The following MAP3K4 variants were observed in gnomAD, a reference collection of about 807,000 sequenced individuals.
MAP3K4 encodes the protein mitogen-activated protein kinase kinase kinase 4.
MAP3K4 carries 67 observed loss-of-function variants against 185.6 expected under a neutral mutation model. The observed-to-expected ratio is 0.36, with a 90% CI of 0.30 to 0.44. The LOEUF (loss-of-function observed/expected upper bound fraction) is 0.44. Among genes scored for constraint, MAP3K4 ranks in the 20% least tolerant of loss-of-function variants. The pLI is 1.00. For missense variants in MAP3K4, 1,551 were observed against 1,995.1 expected, an observed-to-expected ratio of 0.78 and a Z score of 4.24; for synonymous variants, 702 against 710.4, an observed-to-expected ratio of 0.99 and a Z score of 0.19.
rs192239912 is a variant in MAP3K4, at chr6:160,996,616, G to C, written c.152+4533G>C. 6.6e-6 allele frequency among the ~76,000 whole-genome samples: 1 copy of C among 152,156 alleles called. No homozygotes were observed. The highest frequency in any genetic ancestry group is 2.4e-5 in the African/African-American group (1 of 41,418). On this transcript the variant is annotated intron_variant, in intron 1 of 26. Coordinates refer to ENST00000392142, the MANE Select transcript of MAP3K4 (RefSeq NM_005922.4). This position sits in a 1 kb window ranked among gnomAD's most constrained non-coding sequence, Gnocchi z 4.5. ...TAACGTTGCCTATCAGTAGGCTACT[G>C]GTAGTGGTTTCTTTAAAGAGAAAAT...
rs770737594 is a variant in MAP3K4, at chr6:161,096,929, A to G, written c.3428-151A>G. On this transcript the variant is annotated intron_variant, in intron 15 of 26. Coordinates refer to ENST00000392142, the MANE Select transcript of MAP3K4 (RefSeq NM_005922.4). This position sits in a 1 kb window ranked among gnomAD's most constrained non-coding sequence, Gnocchi z 4.9. ...AAGTGACATTTTCCATAATATTTGT[A>G]TATGTAATATTATTTTTTACTTATA... The G allele has an allele frequency of 4.7e-5, 26 of 557,810 alleles. No individual in the cohort carries two copies. The highest frequency in any genetic ancestry group is 2.2e-4 in the African/African-American group (12 of 53,610). 34.6% of individuals were successfully genotyped at this position (557,810 alleles called of 1,614,324 possible).
Position 161,098,674 on chromosome 6 carries a change from C to G in MAP3K4, c.3674+247C>G, listed in dbSNP as rs1159823646. 6.6e-6 allele frequency among the ~76,000 whole-genome samples: 1 copy of G among 152,026 alleles called. No individual in the cohort carries two copies. The highest frequency in any genetic ancestry group is 2.4e-5 in the African/African-American group (1 of 41,372). On this transcript the variant is annotated intron_variant, in intron 17 of 26. Coordinates refer to ENST00000392142, the MANE Select transcript of MAP3K4 (RefSeq NM_005922.4). This position sits in a 1 kb window ranked among gnomAD's most constrained non-coding sequence, Gnocchi z 4.4. ...TTAGCCAAAATGACTAAAGACTTTG[C>G]GAAGAATAACTTGATGGAGTATCAT...
rs1009338638 is a variant in MAP3K4, at chr6:161,056,562, C to T, written c.1707+6583C>T. Among the ~76,000 whole-genome samples, 5 of 152,166 alleles carry T rather than the reference C, an allele frequency of 3.3e-5. No homozygotes were observed. On this transcript the variant is annotated intron_variant, in intron 3 of 26. Coordinates refer to ENST00000392142, the MANE Select transcript of MAP3K4 (RefSeq NM_005922.4). The surrounding 1 kb of genome is among the most constrained non-coding windows in gnomAD (Gnocchi z 5.4). ...CTCTTATAGTGAGAAACCTGGCTACCATTACTACAATTAATTACATGTTTG... is the reference window on the plus strand; with the variant it reads ...CTCTTATAGTGAGAAACCTGGCTACTATTACTACAATTAATTACATGTTTG...
At chr6:161,104,965 C>G (rs763138751) in intron 19 of MAP3K4, among the ~76,000 whole-genome samples, 23 of 152,132 alleles carry the variant, frequency 1.5e-4, no homozygotes, top group Non-Finnish European at 2.6e-4. Context: ...GTCATCCCAG[C>G]CTTCAAGGAT....
chr6:161,038,776 G>A (rs765358197), intron 2 of MAP3K4, among the ~76,000 whole-genome samples: 3 of 152,198 alleles, frequency 2.0e-5, no homozygotes, highest in Non-Finnish European at 4.4e-5. Flanking sequence ...CTTGGCTGGG[G>A]CCCTAAGTCT....
At chr6:161,047,117 C>CATATATATATATATATATATATATATAT (rs3050257) in intron 2 of MAP3K4, among the ~76,000 whole-genome samples, 6 of 135,008 alleles carry the variant, frequency 4.4e-5, no homozygotes, top group African/African-American at 1.8e-4. Flanking sequence ...TTCACTTATG[C>CATATATATATATATATATATATATATAT]ATATATATAT....
In MAP3K4 at chr6:161,097,173, T is replaced by A. The variant is rs1269467541; in HGVS notation, c.3521T>A (p.Phe1174Tyr). Reference protein sequence around the residue: ...PHLIIPTPEGFSTRSMPSDAR... With the variant: ...PHLIIPTPEGYSTRSMPSDAR... ...CTCATTATCCCCACTCCAGAGGGAT[T>A]CAGGTATTTGGTGCTTATCTAGTCA... The change falls in exon 16 of 27, where the codon TTC becomes TAC. Residue 1174 changes from phenylalanine to tyrosine, a missense_variant. Phe to Tyr is a conservative substitution (Grantham distance 22). Around this residue, in one of 16 missense-constraint regions of MAP3K4, gnomAD observed 272 missense variants for 301.2 expected, o/e 0.90. Coordinates refer to ENST00000392142, the MANE Select transcript of MAP3K4 (RefSeq NM_005922.4). The surrounding 1 kb of genome is among the most constrained non-coding windows in gnomAD (Gnocchi z 4.9). 1.2e-6 allele frequency: 2 copies of A among 1,613,858 alleles called. No homozygotes were observed. The highest frequency in any genetic ancestry group is 1.1e-5 in the South Asian group (1 of 91,056).
rs566402784 is a variant in MAP3K4, at chr6:161,032,904, ACT to A, written c.153-1351_153-1350del. ...CACATATGTTTAGGAGCACATGTGT[ACT>A]CTCATAAAGTATTTAGAGTGGTCTT... is the stretch of plus-strand genomic sequence containing the variant. On this transcript the variant is annotated intron_variant, in intron 1 of 26. Coordinates refer to ENST00000392142, the MANE Select transcript of MAP3K4 (RefSeq NM_005922.4). Among the ~76,000 whole-genome samples, 735 of 152,322 alleles carry A rather than the reference ACT, an allele frequency of 4.8e-3. 10 individuals are homozygous for A. Among genetic ancestry groups the A allele is most frequent in the African/African-American group, 0.017 (695 of 41,582 alleles).
intron 1 of MAP3K4, among the ~76,000 whole-genome samples, chr6:160,993,735 TAA>T (rs11291500): frequency 0.011 from 1,672 of 148,156 alleles, 21 homozygotes; most frequent in African/African-American, 0.032. Context: ...GCTTCAGTGG[TAA>T]AAAAAAAAAA....
At position 161,097,897 on chromosome 6, in the gene MAP3K4, C is replaced by T. The variant is rs1777643051; in HGVS notation, c.3525-381C>T. 1.3e-5 allele frequency among the ~76,000 whole-genome samples: 2 copies of T among 151,354 alleles called. No individual in the cohort carries two copies. Among genetic ancestry groups the T allele is most frequent in the Admixed American group, 1.3e-4 (2 of 15,204 alleles). On this transcript the variant is annotated intron_variant, in intron 16 of 26. Coordinates refer to ENST00000392142, the MANE Select transcript of MAP3K4 (RefSeq NM_005922.4). The surrounding 1 kb of genome is among the most constrained non-coding windows in gnomAD (Gnocchi z 4.9). ...GAGCCCAGGAGAACAGCCTGGGCAACGTAGCAAAACATCATCTCTACAAAA... is the reference window on the plus strand; with the variant it reads ...GAGCCCAGGAGAACAGCCTGGGCAATGTAGCAAAACATCATCTCTACAAAA...
rs1447177658 is a variant in MAP3K4 at position 161,007,282 on chromosome 6, C to T, written c.152+15199C>T. On this transcript the variant is annotated intron_variant, in intron 1 of 26. Coordinates refer to ENST00000392142, the MANE Select transcript of MAP3K4 (RefSeq NM_005922.4). The surrounding 1 kb of genome is among the most constrained non-coding windows in gnomAD (Gnocchi z 4.5). ...GGACAGTTAAGTAGACGATTTTATT[C>T]GGGATATTGCAGTGGGGAAAAACAT... Among the ~76,000 whole-genome samples the T allele has an allele frequency of 1.3e-5, 2 of 152,042 alleles. No homozygotes were observed. The highest frequency in any genetic ancestry group is 2.4e-5 in the African/African-American group (1 of 41,418).
At chr6:161,095,632 A>G (rs1001252790) in intron 15 of MAP3K4, among the ~76,000 whole-genome samples, 4 of 152,214 alleles carry the variant, frequency 2.6e-5, no homozygotes, top group Non-Finnish European at 5.9e-5. Flanking sequence ...AATGTCTCCA[A>G]GTCAACAGGT....
intron 1 of MAP3K4, among the ~76,000 whole-genome samples, chr6:161,031,552 T>TC: frequency 6.6e-6 from 1 of 152,258 alleles, no homozygotes; most frequent in Admixed American, 6.5e-5. Context: ...GCTCCTCAGG[T>TC]CGGGGGGCTT....
chr6:161,072,841 G>A (rs1415906142), intron 4 of MAP3K4, among the ~76,000 whole-genome samples: 2 of 152,074 alleles, frequency 1.3e-5, no homozygotes, highest in African/African-American at 4.8e-5. Context: ...TTCTGCCCAC[G>A]TTTGGCAGGT....
chr6:161,107,970 G>T lies in MAP3K4; in HGVS notation c.4119+1G>T. On this transcript the variant is annotated splice_donor_variant, in intron 21 of 26. Transcript: ENST00000392142. LOFTEE classifies it high-confidence loss of function. This position sits in a 1 kb window ranked among gnomAD's most constrained non-coding sequence, Gnocchi z 6.2. ...CGGGGAGCTGATGGCCATGAAAGAG[G>T]TGAGTCACCTGGCTCCGTGGGGCCT... 1 of 1,613,728 alleles carries T rather than the reference G, an allele frequency of 6.2e-7. No individual in the cohort carries two copies. The highest frequency in any genetic ancestry group is 8.5e-7 in the Non-Finnish European group (1 of 1,179,956).
In MAP3K4 at chr6:161,080,746, T is replaced by G; in HGVS notation, c.2098-135T>G. On this transcript the variant is annotated intron_variant, in intron 5 of 26. Transcript: ENST00000392142. The surrounding 1 kb of genome is among the most constrained non-coding windows in gnomAD (Gnocchi z 4.8). ...AGCTAACAGTGGTGAGAACCTTGCT[T>G]CTGTCGGTGCTGCGTGCCTGTGACA... 2 of 694,550 alleles carry G rather than the reference T, an allele frequency of 2.9e-6. No individual in the cohort carries two copies. The highest frequency in any genetic ancestry group is 5.0e-6 in the Non-Finnish European group (2 of 401,748). The allele number at this position is 694,550 out of a possible 1,614,324, so 43.0% of individuals were successfully genotyped here. A position where few individuals can be genotyped will look rare whatever the true frequency, so the allele number is the denominator to read the frequency against.
chr6:161,105,800 G>A (rs78066643), intron 19 of MAP3K4, among the ~76,000 whole-genome samples: 1 of 151,630 alleles, frequency 6.6e-6, no homozygotes, highest in Non-Finnish European at 1.5e-5. Context: ...TTGGTTAGTA[G>A]GTAGTGGAGA....
intron 17 of MAP3K4, among the ~76,000 whole-genome samples, chr6:161,099,542 G>A (rs1777734499): frequency 6.6e-6 from 1 of 152,112 alleles, no homozygotes; most frequent in Non-Finnish European, 1.5e-5. Flanking sequence ...GCTTTTCATG[G>A]CAAATATCTT....
chr6:161,055,240 T>C (rs1405547436), intron 3 of MAP3K4, among the ~76,000 whole-genome samples: 1 of 152,200 alleles, frequency 6.6e-6, no homozygotes, highest in Non-Finnish European at 1.5e-5. Context: ...TCCAGTAGTT[T>C]CCAGGTGTCC....
Sources: allele counts gnomAD v4.1 joint callset (sites outside exome capture counted in the v4.1 genomes callset), GRCh38; gene constraint gnomAD v4.1.1; regional missense constraint gnomAD v4.1.1; non-coding constraint Gnocchi (gnomAD v3.1); transcripts MANE v1.5; gene names NCBI Gene and HGNC (gene_info 2026-07-23, HGNC 2026-07-21).